YWHAH: variants seen among roughly 807,000 people sequenced by gnomAD.
The protein encoded by YWHAH is 14-3-3 protein eta.
Under a neutral mutation model 22.9 loss-of-function variants are expected in YWHAH, and 6 were observed. The ratio of observed to expected loss-of-function variants is 0.26; its 90% CI spans 0.14 to 0.52. YWHAH has a LOEUF of 0.52. Among genes scored for constraint, YWHAH ranks in the 20% least tolerant of loss-of-function variants. The pLI, the probability that YWHAH is intolerant of heterozygous loss-of-function variation, is 0.97. For synonymous variants in YWHAH, 135 were observed against 124.5 expected (o/e 1.08, Z -0.56); for missense variants, 173 against 308.6 (o/e 0.56, Z 3.29).
At position 31,956,001 on chromosome 22, in the gene YWHAH, G is replaced by A. The variant is rs1042894018; in HGVS notation, c.88-138G>A. The A allele has an allele frequency of 1.1e-6, 1 of 918,806 alleles. No homozygotes were observed. Among genetic ancestry groups the A allele is most frequent in the Non-Finnish European group, 1.6e-6 (1 of 616,662 alleles). The allele number at this position is 918,806 out of a possible 1,614,324, so 56.9% of individuals were successfully genotyped here. On this transcript the variant is annotated intron_variant, in intron 1 of 1. Transcript: ENST00000248975. This position sits in a 1 kb window ranked among gnomAD's most constrained non-coding sequence, Gnocchi z 5.1. The stretch of plus-strand genomic sequence containing the variant: ...ATGTCTATATTGGTTTTATCCATGG[G>A]TGGTTTTTATTCTCCAGAGTGACTG...
At position 31,957,360 on chromosome 22, in the gene YWHAH, C is replaced by T. The variant is rs528172644; in HGVS notation, c.*568C>T. ...CTCTTTAAATTATGACGTGCACAAA[C>T]CTTCTTTTCAATGCAATGCATCTGA... On this transcript the variant is annotated 3_prime_UTR_variant, in exon 2 of 2. Transcript: ENST00000248975. 8.5e-5 allele frequency: 13 copies of T among 152,456 alleles called. No homozygotes were observed. Among genetic ancestry groups the T allele is most frequent in the African/African-American group, 3.1e-4 (13 of 41,436 alleles). The allele number at this position is 152,456 out of a possible 1,614,324, so 9.4% of individuals were successfully genotyped here. A position where few individuals can be genotyped will look rare whatever the true frequency, so the allele number is the denominator to read the frequency against.
intron 1 of YWHAH, chr22:31,947,538 C>T (rs1050814885): frequency 2.2e-6 from 1 of 462,850 alleles, no homozygotes; most frequent in Non-Finnish European, 4.5e-6. Flanking sequence ...TGCCTCAAAC[C>T]TGTTGAGAAC....
chr22:31,955,439 C>CTTTTTTTTTTTT (rs60830862), intron 1 of YWHAH, among the ~76,000 whole-genome samples: 2 of 126,728 alleles, frequency 1.6e-5, no homozygotes, highest in African/African-American at 2.9e-5. Context: ...TTCAGAGTAT[C>CTTTTTTTTTTTT]TTTTTTTTTT....
chr22:31,950,399 G>A (rs551920454), intron 1 of YWHAH: 15 of 779,542 alleles, frequency 1.9e-5, no homozygotes, highest in Middle Eastern at 2.3e-4. Flanking sequence ...ACTCCTGGCT[G>A]CAGTGGCATT....
At chr22:31,952,852 T>C (rs1396568492) in intron 1 of YWHAH, among the ~76,000 whole-genome samples, 1 of 152,190 alleles carries the variant, frequency 6.6e-6, no homozygotes, top group Non-Finnish European at 1.5e-5. Context: ...CTTTTATTGG[T>C]GCACAGGAAA....
chr22:31,956,130 G>T lies in YWHAH; in HGVS notation c.88-9G>T. The stretch of plus-strand genomic sequence containing the variant: ...TGCTTTCAATGTTTATCTTTTTGGG[G>T]TTTTGCAGGTGACAGAGCTGAATGA... On this transcript the variant is annotated splice_polypyrimidine_tract_variant and intron_variant, in intron 1 of 1. Coordinates refer to ENST00000248975, the MANE Select transcript of YWHAH (RefSeq NM_003405.4). The surrounding 1 kb of genome is among the most constrained non-coding windows in gnomAD (Gnocchi z 5.1). 1 of 1,572,960 alleles carries T rather than the reference G, an allele frequency of 6.4e-7. No individual in the cohort carries two copies. Among genetic ancestry groups the T allele is most frequent in the Non-Finnish European group, 8.6e-7 (1 of 1,161,952 alleles).
In YWHAH at chr22:31,956,824, CCCA is replaced by C. The variant is rs774489663; in HGVS notation, c.*38_*40del. Reference sequence around the variant, plus strand: ...TTCAGGTCCCCTGGCCCTTCCTTCACCCACCACCCCCATCATCACCGATTCTTC... The same window carrying C: ...TTCAGGTCCCCTGGCCCTTCCTTCACCCACCCCCATCATCACCGATTCTTC... On this transcript the variant is annotated 3_prime_UTR_variant, in exon 2 of 2. Transcript: ENST00000248975. The surrounding 1 kb of genome is among the most constrained non-coding windows in gnomAD (Gnocchi z 5.1). The C allele has an allele frequency of 2.0e-6, 3 of 1,529,678 alleles. No individual in the cohort carries two copies. Among genetic ancestry groups the C allele is most frequent in the East Asian group, 2.4e-5 (1 of 41,214 alleles). 94.8% of individuals were successfully genotyped at this position (1,529,678 alleles called of 1,614,324 possible).
At position 31,948,804 on chromosome 22, in the gene YWHAH, C is replaced by T. The variant is rs1387237599; in HGVS notation, c.87+3984C>T. On this transcript the variant is annotated intron_variant, in intron 1 of 1. Coordinates refer to ENST00000248975, the MANE Select transcript of YWHAH (RefSeq NM_003405.4). ...GGAAGGAAGAAGGCTCTGGATTATT[C>T]TTGTAATAGTTTGAATTTAAAAGGT... 9.2e-5 allele frequency among the ~76,000 whole-genome samples: 14 copies of T among 152,176 alleles called. No homozygotes were observed. In the East Asian group the frequency reaches 2.7e-3, roughly 29 times the overall value.
chr22:31,945,489 G>A, intron 1 of YWHAH: 1 of 1,304,130 alleles, frequency 7.7e-7, no homozygotes, highest in Non-Finnish European at 1.0e-6. Flanking sequence ...AAAATGAAAC[G>A]TGACTTCTAG....
Position 31,956,556 on chromosome 22 carries a change from C to A in YWHAH, c.505C>A (p.His169Asn), listed in dbSNP as rs2093849850. The A allele has an allele frequency of 4.3e-6, 7 of 1,614,102 alleles. No individual in the cohort carries two copies. Among genetic ancestry groups the A allele is most frequent in the Non-Finnish European group, 5.9e-6 (7 of 1,180,054 alleles). The change falls in exon 2 of 2, where the codon CAT (histidine) becomes AAT (asparagine). Residue 169 changes from histidine (H) to asparagine (N), a missense_variant. By Grantham distance (68) the His-to-Asn change is moderately conservative (BLOSUM62 1). Coordinates refer to ENST00000248975, the MANE Select transcript of YWHAH (RefSeq NM_003405.4). The surrounding 1 kb of genome is among the most constrained non-coding windows in gnomAD (Gnocchi z 5.1). ...EISKEQMQPT[H>N]PIRLGLALNF... is the part of the protein sequence containing the mutation. ...CAGCAAAGAGCAGATGCAACCCACGCATCCCATCCGGCTGGGCCTGGCCCT... is the reference window on the plus strand; with the variant it reads ...CAGCAAAGAGCAGATGCAACCCACGAATCCCATCCGGCTGGGCCTGGCCCT...
intron 1 of YWHAH, 74 bp downstream of exon 1, chr22:31,944,894 C>CG (rs138873821): frequency 0.4 from 476,508 of 1,193,094 alleles, 97,371 homozygotes; most frequent in Non-Finnish European, 0.41. Context: ...TGGCCGCGGG[C>CG]GCGTTCCCCT....
chr22:31,948,131 G>A (rs535200961), intron 1 of YWHAH, among the ~76,000 whole-genome samples: 4 of 152,192 alleles, frequency 2.6e-5, no homozygotes, highest in Non-Finnish European at 5.9e-5. Flanking sequence ...CTCCCCGAGT[G>A]CCAGGGCAAC....
At chr22:31,945,103 G>A in intron 1 of YWHAH, 5 of 1,097,546 alleles carry the variant, frequency 4.6e-6, no homozygotes, top group South Asian at 7.1e-5. Flanking sequence ...ATCTTAGTTC[G>A]GAACCCGGCC....
intron 1 of YWHAH, among the ~76,000 whole-genome samples, chr22:31,949,801 T>G (rs1208091045): frequency 1.3e-5 from 2 of 152,240 alleles, no homozygotes; most frequent in East Asian, 3.8e-4. Context: ...GCTCTCATTT[T>G]AACCACTATG....
At chr22:31,950,361 C>A (rs1022428509) in intron 1 of YWHAH, 1 of 779,394 alleles carries the variant, frequency 1.3e-6, no homozygotes, top group Non-Finnish European at 2.4e-6. Context: ...GTCTTCTGTC[C>A]CAGCATTTTG....
chr22:31,957,232 G>C lies in YWHAH; in HGVS notation c.*440G>C, dbSNP rs1439464180. 1 of 160,182 alleles carries C rather than the reference G, an allele frequency of 6.2e-6. No homozygotes were observed. The highest frequency in any genetic ancestry group is 2.4e-5 in the African/African-American group (1 of 41,494). The allele number at this position is 160,182 out of a possible 1,614,324, so 9.9% of individuals were successfully genotyped here. On this transcript the variant is annotated 3_prime_UTR_variant, in exon 2 of 2. Transcript: ENST00000248975. ...CTCCCACCTCTTTCTTCAATTAATGGAAAACTGTTAAGGGAAGCTGATACA... is the reference window on the plus strand; with the variant it reads ...CTCCCACCTCTTTCTTCAATTAATGCAAAACTGTTAAGGGAAGCTGATACA...
chr22:31,949,074 G>C lies in YWHAH; in HGVS notation c.87+4254G>C, dbSNP rs374472441. ...TTTCCAGAAATACGGTTTCGGAGAG[G>C]GTACCCCTAACGTTTTATGTGTGTG... On this transcript the variant is annotated intron_variant, in intron 1 of 1. Transcript: ENST00000248975. 2.0e-5 allele frequency among the ~76,000 whole-genome samples: 3 copies of C among 151,740 alleles called. No homozygotes were observed. The East Asian group carries it at 5.8e-4, about 29-fold the overall frequency.
Position 31,944,840 on chromosome 22 carries a change from G to A in YWHAH, c.87+20G>A. The A allele has an allele frequency of 7.4e-7, 1 of 1,353,456 alleles. No homozygotes were observed. The highest frequency in any genetic ancestry group is 9.5e-7 in the Non-Finnish European group (1 of 1,047,294). The allele number at this position is 1,353,456 out of a possible 1,614,324, so 83.8% of individuals were successfully genotyped here. The stretch of plus-strand genomic sequence containing the variant: ...AAGGCGGTGAGCGCGCCGGGAGCCC[G>A]GGCGGCTGGCCGGGGGGGGCCTGGC... On this transcript the variant is annotated intron_variant, in intron 1 of 1. Coordinates refer to ENST00000248975, the MANE Select transcript of YWHAH (RefSeq NM_003405.4).
intron 1 of YWHAH, among the ~76,000 whole-genome samples, chr22:31,947,739 G>A (rs2093837003): frequency 6.6e-6 from 1 of 152,182 alleles, no homozygotes; most frequent in Admixed American, 6.5e-5. Context: ...TACACAATTC[G>A]TAGTCTCTGT....
Sources: gnomAD v4.1 joint callset for allele counts (sites outside exome capture counted in the v4.1 genomes callset) on GRCh38, gnomAD v4.1.1 for gene constraint, Gnocchi (gnomAD v3.1) non-coding constraint, MANE v1.5 for transcripts, NCBI Gene and HGNC (gene_info 2026-07-23, HGNC 2026-07-21) for gene names.